SRBD1: variants seen among roughly 807,000 people sequenced by gnomAD.
SRBD1 encodes the protein S1 RNA binding domain 1.
Under a neutral mutation model 115.3 loss-of-function variants are expected in SRBD1, and 88 were observed. The ratio of observed to expected loss-of-function variants is 0.76; its 90% CI spans 0.64 to 0.91. The LOEUF is 0.91. Among genes scored for constraint, SRBD1 ranks in the 40% least tolerant of loss-of-function variants. The pLI, the probability that SRBD1 is intolerant of heterozygous loss-of-function variation, is 0.00. For missense variants in SRBD1, 1,385 were observed against 1,177.4 expected (o/e 1.18, Z -2.58); for synonymous variants, 509 against 407.7 (o/e 1.25, Z -2.99).
At chr2:45,434,837 T>C (rs537852403) in intron 16 of SRBD1, among the ~76,000 whole-genome samples, 1 of 151,932 alleles carries the variant, frequency 6.6e-6, no homozygotes, top group Non-Finnish European at 1.5e-5. Flanking sequence ...TTGTTACACA[T>C]GTATACATGT....
chr2:45,609,701 A>T (rs1332204942), intron 1 of SRBD1, among the ~76,000 whole-genome samples: 1 of 152,084 alleles, frequency 6.6e-6, no homozygotes, highest in Admixed American at 6.5e-5. Flanking sequence ...CTGCTTGTCA[A>T]TTGGCTGGCT....
At position 45,415,027 on chromosome 2, in the gene SRBD1, T is replaced by C. The variant is rs1422139135; in HGVS notation, c.2334-1734A>G. Among the ~76,000 whole-genome samples, 15 of 71,168 alleles carry C rather than the reference T, an allele frequency of 2.1e-4. 1 individual carries two copies. The highest frequency in any genetic ancestry group is 0.017 in the Middle Eastern group (1 of 60). 46.7% of individuals were successfully genotyped at this position (71,168 alleles called of 152,430 possible). On this transcript the variant is annotated intron_variant, in intron 18 of 20. Coordinates refer to ENST00000263736, the MANE Select transcript of SRBD1 (RefSeq NM_018079.5). Reference sequence around the variant, plus strand: ...TGTATATAGTATGTATATACACACATATAGTGTGTATATAGTATGTATATA... The same window carrying C: ...TGTATATAGTATGTATATACACACACATAGTGTGTATATAGTATGTATATA...
chr2:45,418,983 A>G (rs1297319125), intron 17 of SRBD1, among the ~76,000 whole-genome samples: 1 of 152,202 alleles, frequency 6.6e-6, no homozygotes, highest in Admixed American at 6.5e-5. Flanking sequence ...TCAGTAATAT[A>G]GAGCTGAACT....
rs533478847 is a variant in SRBD1, at chr2:45,559,165, A to G, written c.1409+3488T>C. On this transcript the variant is annotated intron_variant, in intron 10 of 20. Transcript: ENST00000263736. The stretch of plus-strand genomic sequence containing the variant: ...CTAAGCTACCATAATCTCTTGTGCC[A>G]TATCTACTCTTGATTCCTTCCAAAT... Among the ~76,000 whole-genome samples the G allele has an allele frequency of 9.2e-5, 14 of 152,280 alleles. No homozygotes were observed. The South Asian group carries it at 1.9e-3, about 20-fold the overall frequency.
chr2:45,412,941 T>A (rs933899858), intron 19 of SRBD1, among the ~76,000 whole-genome samples, 173 bp downstream of exon 19: 1 of 152,180 alleles, frequency 6.6e-6, no homozygotes, highest in African/African-American at 2.4e-5. Context: ...ATGGTTTCAT[T>A]CCTCAGTGAA....
chr2:45,420,168 A>G (rs142211961), intron 16 of SRBD1, among the ~76,000 whole-genome samples: 61 of 152,284 alleles, frequency 4.0e-4, no homozygotes, highest in Middle Eastern at 6.8e-3. Context: ...CTCAAACTTA[A>G]GCTTGCATTA....
intron 14 of SRBD1, among the ~76,000 whole-genome samples, chr2:45,518,964 T>TAAAAA (rs11362482): frequency 1.8e-5 from 2 of 111,172 alleles, no homozygotes; most frequent in Non-Finnish European, 4.1e-5. Context: ...CGAATAAGGC[T>TAAAAA]AAAAAAAAAA....
intron 16 of SRBD1, among the ~76,000 whole-genome samples, chr2:45,451,310 C>T (rs1668985660): frequency 6.6e-6 from 1 of 151,946 alleles, no homozygotes; most frequent in African/African-American, 2.4e-5. Flanking sequence ...GATGGTATCC[C>T]CTAACTTTAC....
chr2:45,521,118 C>T (rs1572728805), intron 14 of SRBD1, among the ~76,000 whole-genome samples: 2 of 152,216 alleles, frequency 1.3e-5, no homozygotes, highest in Middle Eastern at 3.4e-3. Flanking sequence ...ACTAAACAGA[C>T]AAGCCACACC....
intron 16 of SRBD1, among the ~76,000 whole-genome samples, chr2:45,469,415 A>G (rs1439802427): frequency 1.3e-5 from 2 of 152,182 alleles, no homozygotes; most frequent in Non-Finnish European, 2.9e-5. Context: ...TGACATACAC[A>G]GAGTAAGCAA....
chr2:45,458,455 G>A (rs1400066882), intron 16 of SRBD1, among the ~76,000 whole-genome samples: 1 of 152,038 alleles, frequency 6.6e-6, no homozygotes, highest in African/African-American at 2.4e-5. Context: ...AGAGTAGGAG[G>A]TACATTCAGC....
chr2:45,562,573 T>C (rs1424399480), intron 10 of SRBD1, 80 bp downstream of exon 10: 4 of 1,101,674 alleles, frequency 3.6e-6, no homozygotes, highest in Non-Finnish European at 5.1e-6. Context: ...TAGACATCTT[T>C]ACATATCAGT....
intron 16 of SRBD1, among the ~76,000 whole-genome samples, chr2:45,470,409 A>G (rs188957357): frequency 2.0e-5 from 3 of 152,310 alleles, no homozygotes; most frequent in East Asian, 1.9e-4. Flanking sequence ...ATAGAATCCA[A>G]TAACAGTTCC....
intron 14 of SRBD1, among the ~76,000 whole-genome samples, chr2:45,533,532 A>C (rs2033650): frequency 0.81 from 122,468 of 151,994 alleles, 50,107 homozygotes; most frequent in African/African-American, 0.93. Context: ...AAATACTGTT[A>C]ATCTGATGTA....
intron 15 of SRBD1, among the ~76,000 whole-genome samples, chr2:45,478,480 G>T (rs1051973830): frequency 6.6e-6 from 1 of 152,172 alleles, no homozygotes; most frequent in Non-Finnish European, 1.5e-5. Context: ...AGAACGCTGA[G>T]CTGGCGTTAC....
chr2:45,593,246 T>C (rs113497860), intron 4 of SRBD1, among the ~76,000 whole-genome samples: 194 of 152,310 alleles, frequency 1.3e-3, no homozygotes, highest in African/African-American at 4.2e-3. Flanking sequence ...AGGTACTTTA[T>C]TGTTCCCATT....
chr2:45,522,607 T>C (rs916605736), intron 14 of SRBD1, among the ~76,000 whole-genome samples: 1 of 152,178 alleles, frequency 6.6e-6, no homozygotes, highest in Non-Finnish European at 1.5e-5. Context: ...GTTTGAATCA[T>C]ACTAAAATTT....
chr2:45,461,269 A>G (rs978722537), intron 16 of SRBD1, among the ~76,000 whole-genome samples: 2 of 152,194 alleles, frequency 1.3e-5, no homozygotes, highest in Admixed American at 6.5e-5. Context: ...TCCAGATATA[A>G]AATACCTTAA....
chr2:45,420,270 T>C (rs1235839416), intron 16 of SRBD1, among the ~76,000 whole-genome samples: 1 of 152,132 alleles, frequency 6.6e-6, no homozygotes, highest in East Asian at 1.9e-4. Context: ...TTCTAACAAG[T>C]TCCCGGATGA....
Sources: gnomAD v4.1 joint callset for allele counts (sites outside exome capture counted in the v4.1 genomes callset) on GRCh38, gnomAD v4.1.1 for gene constraint, MANE v1.5 for transcripts, NCBI Gene and HGNC (gene_info 2026-07-23, HGNC 2026-07-21) for gene names.